Variants in KIF7 observed in about 807,000 individuals in gnomAD.
KIF7 encodes kinesin family member 7.
Under a neutral mutation model 135.7 loss-of-function variants are expected in KIF7, and 104 were observed. The ratio of observed to expected loss-of-function variants is 0.77; its 90% CI spans 0.65 to 0.90. KIF7 has a LOEUF of 0.90. Ranked by LOEUF, KIF7 falls within the 40% of genes least tolerant of loss-of-function variation. The pLI is 0.00. For synonymous variants in KIF7, 883 were observed against 809.4 expected (o/e 1.09, Z -1.54); for missense variants, 2,005 against 1,839.1 (o/e 1.09, Z -1.65).
chr15:89,648,850 G>A, intron 4 of KIF7, 76 bp from the exon 5 acceptor site: 1 of 1,471,008 alleles, frequency 6.8e-7, no homozygotes. Context: ...CCTGGGACCG[G>A]CTCCTGGCGC....
chr15:89,624,625 G>A, downstream of KIF7: 1 of 1,613,952 alleles, frequency 6.2e-7, no homozygotes, highest in Middle Eastern at 1.6e-4. Context: ...TGAAAGACGG[G>A]GCTACCCAGG....
chr15:89,618,050 C>G, exon 2 of KIF7: 2 of 1,204,708 alleles, frequency 1.7e-6, no homozygotes, highest in Non-Finnish European at 2.5e-6. Context: ...TTATCAGACC[C>G]TGTGATCTTT....
intron 5 of KIF7, among the ~76,000 whole-genome samples, chr15:89,648,023 C>T (rs1345503017): frequency 1.3e-5 from 2 of 152,198 alleles, no homozygotes; most frequent in African/African-American, 4.8e-5. Context: ...TTACAACATC[C>T]CCACTAAGAG....
At chr15:89,650,108 C>A in intron 2 of KIF7, 167 bp from the exon 3 acceptor site, 1 of 670,598 alleles carries the variant, frequency 1.5e-6, no homozygotes, top group Non-Finnish European at 2.6e-6. Context: ...TGGCCATGCT[C>A]CAGCGTGGTC....
Position 89,649,006 on chromosome 15 carries a change from G to A in KIF7, c.891C>T (p.Ser297=), listed in dbSNP as rs770762867. The change falls in exon 4 of 19, where the codon AGC becomes AGT. Residue 297 remains serine (S), a synonymous_variant. Coordinates refer to ENST00000394412, the MANE Select transcript of KIF7 (RefSeq NM_198525.3). ...SALGDPQRRG[S]HIPYRDSKIT... The stretch of plus-strand genomic sequence containing the variant: ...TCTTGGAGTCGCGGTAGGGTATGTG[G>A]CTGCCCCGGCGCTGAGGGTCCCCCA... 15 of 1,546,934 alleles carry A rather than the reference G, an allele frequency of 9.7e-6. No homozygotes were observed. The highest frequency in any genetic ancestry group is 1.1e-5 in the Non-Finnish European group (13 of 1,146,246).
At chr15:89,660,474 T>C in the KIF7 span, among the ~76,000 whole-genome samples, 40 of 152,368 alleles carry the variant, frequency 2.6e-4, no homozygotes, top group Middle Eastern at 3.4e-3. Flanking sequence ...CTCCTTGTTC[T>C]TTTCTGTGGC....
chr15:89,642,818 C>G (rs1304728276), intron 10 of KIF7, among the ~76,000 whole-genome samples: 1 of 152,228 alleles, frequency 6.6e-6, no homozygotes, highest in African/African-American at 2.4e-5. Context: ...ATCCACCCAC[C>G]TTGGCCTCCC....
In KIF7 at chr15:89,647,698, C is replaced by T. The variant is rs112278499; in HGVS notation, c.1458G>A (p.Ala486=). 9 of 1,580,210 alleles carry T rather than the reference C, an allele frequency of 5.7e-6. No homozygotes were observed. Among genetic ancestry groups the T allele is most frequent in the East Asian group, 4.6e-5 (2 of 43,328 alleles). ...GAGGRKEDEG[A]QQLLTLQNQV... Reference sequence around the variant, plus strand: ...GGTTCTGCAGGGTCAGCAGCTGCTGCGCCCCCTCATCCTCCTATAGGGCAG... The same window carrying T: ...GGTTCTGCAGGGTCAGCAGCTGCTGTGCCCCCTCATCCTCCTATAGGGCAG... The change falls in exon 6 of 19, where the codon GCG becomes GCA. Residue 486 remains alanine, a synonymous_variant. Transcript: ENST00000394412.
At chr15:89,618,011 C>T (rs774312397) in intron 2 of KIF7, 36 of 842,268 alleles carry the variant, frequency 4.3e-5, no homozygotes, top group Non-Finnish European at 6.0e-5. Flanking sequence ...ACAATAATCA[C>T]GTATGAGAGC....
intron 12 of KIF7, 98 bp from the exon 13 acceptor site, chr15:89,633,364 C>A: frequency 6.9e-7 from 1 of 1,458,208 alleles, no homozygotes; most frequent in East Asian, 2.5e-5. Flanking sequence ...CTGCCCACTC[C>A]CAAGAGGGCC....
At chr15:89,634,951 G>T (rs149584907) in intron 11 of KIF7, among the ~76,000 whole-genome samples, 4,373 of 152,218 alleles carry the variant, frequency 0.029, 209 homozygotes, top group African/African-American at 0.1. Flanking sequence ...AAGAGAGCAG[G>T]GGTTCTCCCA....
chr15:89,627,455 G>A, downstream of KIF7: 1 of 237,480 alleles, frequency 4.2e-6, no homozygotes, highest in South Asian at 9.3e-5. Flanking sequence ...GGGGTCCCTT[G>A]AGCTGCTGTA....
rs752909113 is a variant in KIF7 at position 89,645,976 on chromosome 15, G to T, written c.1839C>A (p.Asn613Lys). The T allele has an allele frequency of 6.2e-7, 1 of 1,613,942 alleles. No individual in the cohort carries two copies. Among genetic ancestry groups the T allele is most frequent in the East Asian group, 2.2e-5 (1 of 44,888 alleles). ...CAGCTGAAGAGCCACTTCCCAGCCTGTTCACCTCAGTCAGCAACTCAGCTC... is the reference window on the plus strand; with the variant it reads ...CAGCTGAAGAGCCACTTCCCAGCCTTTTCACCTCAGTCAGCAACTCAGCTC... ...EAGAELLTEV[N>K]RLGSGSSAAS... Residue 613 changes from asparagine (N) to lysine (K), a missense_variant, in exon 8 of 19, where the codon AAC becomes AAA. Coordinates refer to ENST00000394412, the MANE Select transcript of KIF7 (RefSeq NM_198525.3).
chr15:89,648,274 T>G lies in KIF7; in HGVS notation c.1424A>C (p.Gln475Pro), dbSNP rs963508592. The change falls in exon 5 of 19, where the codon CAG becomes CCG. Residue 475 changes from glutamine to proline, a missense_variant. By Grantham distance (76) the Gln-to-Pro change is moderately conservative (BLOSUM62 -1). Coordinates refer to ENST00000394412, the MANE Select transcript of KIF7 (RefSeq NM_198525.3). ...ESASVEDQAAQGAGGRKEDEG... is the reference protein window; with the variant it reads ...ESASVEDQAAPGAGGRKEDEG... Reference sequence around the variant, plus strand: ...GGCCACCTTTCGCCCGCCGGCCCCCTGCGCCGCCTGGTCCTCGACGGAGGC... The same window carrying G: ...GGCCACCTTTCGCCCGCCGGCCCCCGGCGCCGCCTGGTCCTCGACGGAGGC... The G allele has an allele frequency of 6.7e-5, 102 of 1,518,312 alleles. No homozygotes were observed. Among genetic ancestry groups the G allele is most frequent in the Admixed American group, 1.4e-4 (7 of 50,184 alleles). The allele number at this position is 1,518,312 out of a possible 1,614,324, so 94.1% of individuals were successfully genotyped here. A position where few individuals can be genotyped will look rare whatever the true frequency, so the allele number is the denominator to read the frequency against.
chr15:89,626,747 G>C (rs1240075521), downstream of KIF7, among the ~76,000 whole-genome samples: 1 of 152,190 alleles, frequency 6.6e-6, no homozygotes, highest in Non-Finnish European at 1.5e-5. Context: ...TTTCAGAGCT[G>C]CTTCTTGCTG....
At chr15:89,645,488 G>A (rs1963995950) in intron 8 of KIF7, 37 bp from the exon 9 acceptor site, 3 of 1,524,260 alleles carry the variant, frequency 2.0e-6, no homozygotes, top group Non-Finnish European at 1.8e-6. Context: ...CTCCTCCCCA[G>A]CCCCTGCCCC....
At chr15:89,618,550 T>C (rs1271580269) in intron 1 of KIF7, among the ~76,000 whole-genome samples, 1 of 152,244 alleles carries the variant, frequency 6.6e-6, no homozygotes, top group Non-Finnish European at 1.5e-5. Context: ...AAATTTTTTA[T>C]TGGGGAGTGT....
Position 89,628,996 on chromosome 15 carries a change from T to A in KIF7, c.3644A>T (p.Asn1215Ile), listed in dbSNP as rs1300396333. The change falls in exon 18 of 19, where the codon AAC becomes ATC. Residue 1215 changes from asparagine to isoleucine, a missense_variant. By Grantham distance (149) the Asn-to-Ile change is moderately radical. Coordinates refer to ENST00000394412, the MANE Select transcript of KIF7 (RefSeq NM_198525.3). ...GTTACCCCTGCTGTGGCCTACAGCG[T>A]TCACACCGCCGAGCTTCTGTTTCAG... ...QELKQKLGGV[N>I]AVGHSRGGEK... is the part of the protein sequence containing the mutation. 6.2e-7 allele frequency: 1 copy of A among 1,613,732 alleles called. No individual in the cohort carries two copies.
rs75525389 is a variant in KIF7, at chr15:89,652,418, C to T, written c.328+185G>A. Among the ~76,000 whole-genome samples the T allele has an allele frequency of 0.014, 2,142 of 152,334 alleles. 67 individuals are homozygous for T. Among genetic ancestry groups the T allele is most frequent in the African/African-American group, 0.05 (2,067 of 41,584 alleles). ...CACCTCCAACGACCCTTCCTTCCTGCCCTGCCTAGCCCACAGACATGGCTG... is the reference window on the plus strand; with the variant it reads ...CACCTCCAACGACCCTTCCTTCCTGTCCTGCCTAGCCCACAGACATGGCTG... On this transcript the variant is annotated intron_variant, in intron 2 of 18. Transcript: ENST00000394412.
Sources: gnomAD v4.1 joint callset for allele counts (sites outside exome capture counted in the v4.1 genomes callset) on GRCh38, gnomAD v4.1.1 for gene constraint, MANE v1.5 for transcripts, NCBI Gene and HGNC (gene_info 2026-07-23, HGNC 2026-07-21) for gene names.